Variants in TP53BP2 observed in about 807,000 individuals in gnomAD.
TP53BP2 encodes the protein tumor protein p53 binding protein 2, also known as apoptosis-stimulating of p53 protein 2.
TP53BP2 carries 62 observed loss-of-function variants against 126.2 expected under a neutral mutation model. The ratio of observed to expected loss-of-function variants is 0.49; its 90% CI spans 0.40 to 0.61. TP53BP2 has a LOEUF of 0.61. TP53BP2 is among the 20% of genes least tolerant of loss of function. The pLI is 0.00. For missense variants in TP53BP2, 1,215 were observed against 1,402.8 expected (o/e 0.87, Z 2.14); for synonymous variants, 485 against 502.9 (o/e 0.96, Z 0.48).
chr1:223,803,151 C>T (rs1013395512), intron 7 of TP53BP2, 120 bp downstream of exon 7: 2 of 1,273,138 alleles, frequency 1.6e-6, no homozygotes, highest in Admixed American at 2.3e-5. Context: ...GGGTTCCCCC[C>T]ACAACCTGCC....
intron 2 of TP53BP2, among the ~76,000 whole-genome samples, chr1:223,819,685 C>CA (rs11370130): frequency 0.26 from 38,168 of 147,592 alleles, 6,548 homozygotes; most frequent in African/African-American, 0.5. Flanking sequence ...GACTCCATCT[C>CA]AAAAAAAGAA....
intron 4 of TP53BP2, among the ~76,000 whole-genome samples, chr1:223,808,252 G>A (rs1406059333): frequency 1.3e-5 from 2 of 152,190 alleles, no homozygotes; most frequent in Non-Finnish European, 2.9e-5. Context: ...GCCGGGCACG[G>A]TGGCTCACGC....
At chr1:223,832,893 T>G (rs1393668341) in intron 1 of TP53BP2, among the ~76,000 whole-genome samples, 1 of 152,184 alleles carries the variant, frequency 6.6e-6, no homozygotes, top group Non-Finnish European at 1.5e-5. Flanking sequence ...GAGCTTGAGC[T>G]GTCCTTCCTC....
At chr1:223,833,312 AT>A (rs2102885853) in intron 1 of TP53BP2, among the ~76,000 whole-genome samples, 2 of 152,360 alleles carry the variant, frequency 1.3e-5, no homozygotes, top group East Asian at 3.9e-4. Flanking sequence ...ATAAAGTCAT[AT>A]TCAAAGGATT....
chr1:223,784,204 T>G lies in TP53BP2; in HGVS notation c.3274A>C (p.Ile1092Leu), dbSNP rs776076686. 6 of 1,614,182 alleles carry G rather than the reference T, an allele frequency of 3.7e-6. No homozygotes were observed. In the South Asian group the frequency reaches 5.5e-5, roughly 15 times the overall value. ...LPMKEGDCMT[I>L]IHREDEDEIE... Reference sequence around the variant, plus strand: ...TCATCTTCGTCTTCCCTGTGGATGATTGTCATGCAGTCTCCTTCTTTCATG... The same window carrying G: ...TCATCTTCGTCTTCCCTGTGGATGAGTGTCATGCAGTCTCCTTCTTTCATG... The change falls in exon 17 of 18, where the codon ATC (isoleucine) becomes CTC (leucine). Residue 1092 changes from isoleucine (I) to leucine (L), a missense_variant. This residue lies in a region of TP53BP2 where 151 missense variants were observed against 231.2 expected (regional missense o/e 0.65). Transcript: ENST00000343537.
At chr1:223,807,062 T>C in intron 4 of TP53BP2, 115 bp from the exon 5 acceptor site, 1 of 639,956 alleles carries the variant, frequency 1.6e-6, no homozygotes, top group Non-Finnish European at 2.7e-6. Flanking sequence ...GACAAAATTA[T>C]TTAGCGATTT....
chr1:223,784,667 A>C (rs1311031799), intron 16 of TP53BP2, among the ~76,000 whole-genome samples: 1 of 152,202 alleles, frequency 6.6e-6, no homozygotes, highest in African/African-American at 2.4e-5. Flanking sequence ...AAAGTGAACG[A>C]TATGCCTGTC....
intron 1 of TP53BP2, among the ~76,000 whole-genome samples, chr1:223,835,131 CAA>C (rs1020518094): frequency 1.6e-4 from 24 of 152,306 alleles, no homozygotes; most frequent in Admixed American, 1.2e-3. Context: ...AAGAACATGA[CAA>C]AGAGGATGTT....
At chr1:223,801,270 G>C (rs1252885253) in intron 9 of TP53BP2, among the ~76,000 whole-genome samples, 8 of 152,110 alleles carry the variant, frequency 5.3e-5, no homozygotes, top group Non-Finnish European at 7.4e-5. Flanking sequence ...AATTTCAAAA[G>C]CCACTGCTTT....
intron 16 of TP53BP2, among the ~76,000 whole-genome samples, chr1:223,784,711 G>A (rs1381051799): frequency 6.6e-6 from 1 of 152,024 alleles, no homozygotes; most frequent in Non-Finnish European, 1.5e-5. Context: ...TAATGACTAA[G>A]GAACTCTAGA....
chr1:223,798,377 A>G lies in TP53BP2; in HGVS notation c.1786T>C (p.Ser596Pro). 6.2e-7 allele frequency: 1 copy of G among 1,614,050 alleles called. No individual in the cohort carries two copies. The change falls in exon 12 of 18, where the codon TCC becomes CCC. Residue 596 changes from serine (S) to proline (P), a missense_variant. Physicochemically the swap from Ser to Pro is moderately conservative, Grantham distance 74. Coordinates refer to ENST00000343537, the MANE Select transcript of TP53BP2 (RefSeq NM_001031685.3). Reference sequence around the variant, plus strand: ...AAGGGTGGAAGTAAGGTGTCTTTGGAAGGCTGGGGAGTAAAGGGCCGGACG... The same window carrying G: ...AAGGGTGGAAGTAAGGTGTCTTTGGGAGGCTGGGGAGTAAAGGGCCGGACG... ...AAVRPFTPQP[S>P]KDTLLPPFRK... is the part of the protein sequence containing the mutation.
Position 223,795,832 on chromosome 1 carries a change from G to A in TP53BP2, c.2707C>T (p.Gln903Ter), listed in dbSNP as rs1662299319. The A allele has an allele frequency of 6.4e-7, 1 of 1,552,668 alleles. No individual in the cohort carries two copies. ...VSMRPPEITG[Q>*]VSLPPGKRTN... ...TTACTTACAGGAGGCAGAGAGACCT[G>A]CCCGGTGATTTCAGGCGGGCGCATG... Residue 903 changes from glutamine to a stop codon, truncating the protein, a stop_gained, in exon 13 of 18, where the codon CAG (glutamine) becomes TAG (stop). Transcript: ENST00000343537. LOFTEE classifies it high-confidence loss of function.
At chr1:223,790,751 A>G (rs1419170871) in intron 15 of TP53BP2, among the ~76,000 whole-genome samples, 1 of 151,822 alleles carries the variant, frequency 6.6e-6, no homozygotes, top group Non-Finnish European at 1.5e-5. Flanking sequence ...CTACAGGCAC[A>G]CACCAGCGCA....
At chr1:223,828,709 G>A (rs1033980597) in intron 1 of TP53BP2, among the ~76,000 whole-genome samples, 3 of 152,140 alleles carry the variant, frequency 2.0e-5, no homozygotes, top group African/African-American at 4.8e-5. Flanking sequence ...AAAATATTAC[G>A]CTAAGTGATA....
Position 223,799,898 on chromosome 1 carries a change from C to G in TP53BP2, c.1485+1G>C, listed in dbSNP as rs1360122981. On this transcript the variant is annotated splice_donor_variant, in intron 11 of 17. Coordinates refer to ENST00000343537, the MANE Select transcript of TP53BP2 (RefSeq NM_001031685.3). LOFTEE classifies it high-confidence loss of function. ...TTAAAAACCAGGATATTTGTAGGTA[C>G]CTGAGCATCCCGCAAGATATCTTCA... 5.7e-6 allele frequency: 9 copies of G among 1,581,306 alleles called. No homozygotes were observed. Among genetic ancestry groups the G allele is most frequent in the Non-Finnish European group, 7.7e-6 (9 of 1,169,976 alleles).
chr1:223,787,489 G>A (rs1239218637), intron 16 of TP53BP2, among the ~76,000 whole-genome samples: 4 of 152,104 alleles, frequency 2.6e-5, no homozygotes, highest in African/African-American at 7.2e-5. Flanking sequence ...GCTCACACCT[G>A]TAATCTCAGC....
chr1:223,784,082 T>C (rs771709749), intron 17 of TP53BP2, 33 bp downstream of exon 17: 4 of 1,604,210 alleles, frequency 2.5e-6, no homozygotes, highest in South Asian at 1.1e-5. Context: ...CTCTGGCACA[T>C]ATGAAAACAC....
chr1:223,819,948 G>A (rs1043179822), intron 2 of TP53BP2, among the ~76,000 whole-genome samples: 1 of 152,192 alleles, frequency 6.6e-6, no homozygotes, highest in Non-Finnish European at 1.5e-5. Flanking sequence ...GGGGCTATCA[G>A]GATAAAAGGA....
At chr1:223,841,459 T>C (rs1664101419) in intron 1 of TP53BP2, among the ~76,000 whole-genome samples, 1 of 152,090 alleles carries the variant, frequency 6.6e-6, no homozygotes, top group South Asian at 2.1e-4. Flanking sequence ...CATGATATAA[T>C]CATACAAATA....
Sources: gnomAD v4.1 joint callset for allele counts (sites outside exome capture counted in the v4.1 genomes callset) on GRCh38, gnomAD v4.1.1 for gene constraint, gnomAD v4.1.1 regional missense constraint, MANE v1.5 for transcripts, NCBI Gene and HGNC (gene_info 2026-07-23, HGNC 2026-07-21) for gene names.